The following THSD7B variants were observed in gnomAD, a reference collection of about 807,000 sequenced individuals.
THSD7B encodes the protein thrombospondin type-1 domain-containing protein 7B.
A neutral mutation model predicts 213.6 loss-of-function variants in THSD7B; 138 were observed. The observed-to-expected ratio is 0.65, with a 90% CI of 0.56 to 0.74. The LOEUF (loss-of-function observed/expected upper bound fraction) is 0.74. THSD7B is among the 30% of genes least tolerant of loss of function. The pLI, the probability that THSD7B is intolerant of heterozygous loss-of-function variation, is 0.00. For synonymous variants in THSD7B, 742 were observed against 687.0 expected, an observed-to-expected ratio of 1.08 and a Z score of -1.25; for missense variants, 1,931 against 1,991.5, an observed-to-expected ratio of 0.97 and a Z score of 0.58.
At chr2:137,669,358 T>C (rs1415401261) in intron 27 of THSD7B, among the ~76,000 whole-genome samples, 2 of 152,154 alleles carry the variant, frequency 1.3e-5, no homozygotes, top group African/African-American at 4.8e-5. Flanking sequence ...TCCCTAGAAA[T>C]TAGATTTCTA....
chr2:137,094,569 A>C (rs1688004776), intron 3 of THSD7B, among the ~76,000 whole-genome samples: 1 of 151,948 alleles, frequency 6.6e-6, no homozygotes, highest in South Asian at 2.1e-4. Flanking sequence ...AAAAAAAAAA[A>C]ACACAGCAGC....
intron 1 of THSD7B, among the ~76,000 whole-genome samples, chr2:136,825,720 T>TTTTTTTTTTTTTTTTTA (rs1682636832): frequency 1.4e-5 from 2 of 143,332 alleles, no homozygotes; most frequent in Non-Finnish European, 3.0e-5. Context: ...CCTGGCTAAT[T>TTTTTTTTTTTTTTTTTA]TTTTTTTTTT....
Position 137,656,857 on chromosome 2 carries a change from A to G in THSD7B, c.4167A>G (p.Gly1389=). The change falls in exon 23 of 28, where the codon GGA becomes GGG. Residue 1389 remains glycine (G), a synonymous_variant. Coordinates refer to ENST00000409968, the MANE Select transcript of THSD7B (RefSeq NM_001316349.2). The stretch of plus-strand genomic sequence containing the variant: ...CATGTGAATTAACCTGCATTGATGG[A>G]AGAAGCTTTGAGACTGTGGGCCGCC... ...WSTCELTCID[G]RSFETVGRQS... The G allele has an allele frequency of 1.2e-6, 2 of 1,614,018 alleles. No homozygotes were observed. The highest frequency in any genetic ancestry group is 1.1e-5 in the South Asian group (1 of 91,078).
intron 17 of THSD7B, among the ~76,000 whole-genome samples, chr2:137,584,970 CTTTT>C (rs906242751): frequency 6.6e-6 from 1 of 151,222 alleles, no homozygotes; most frequent in Non-Finnish European, 1.5e-5. Context: ...TGGTCCTGGA[CTTTT>C]TTTTTATTTG....
chr2:137,362,483 A>G (rs1261982335), intron 12 of THSD7B, among the ~76,000 whole-genome samples: 1 of 152,194 alleles, frequency 6.6e-6, no homozygotes, highest in Non-Finnish European at 1.5e-5. Flanking sequence ...TGTATTCAGG[A>G]GACCCATCTC....
At chr2:137,033,173 C>A (rs1409343390) in intron 2 of THSD7B, among the ~76,000 whole-genome samples, 1 of 152,204 alleles carries the variant, frequency 6.6e-6, no homozygotes. Context: ...TGTCTACATG[C>A]CAGCCAGGTG....
At chr2:136,906,936 G>GTTTTTTTTTTTTTTTTTT (rs57887270) in intron 2 of THSD7B, among the ~76,000 whole-genome samples, 19 of 55,128 alleles carry the variant, frequency 3.4e-4, no homozygotes, top group African/African-American at 1.3e-3. Context: ...ACATTTCAAG[G>GTTTTTTTTTTTTTTTTTT]TTTTTTTTTT....
chr2:137,543,522 G>A (rs968292605), intron 15 of THSD7B, among the ~76,000 whole-genome samples: 1 of 151,832 alleles, frequency 6.6e-6, no homozygotes, highest in African/African-American at 2.4e-5. Context: ...AAGCTGTAAA[G>A]CTGTTAGAAG....
intron 1 of THSD7B, among the ~76,000 whole-genome samples, chr2:136,781,739 C>G (rs1681747239): frequency 6.6e-6 from 1 of 152,140 alleles, no homozygotes; most frequent in African/African-American, 2.4e-5. Context: ...GTCTCTCCCT[C>G]TGTCCTCCAG....
At chr2:137,586,450 G>A (rs1681730334) in intron 17 of THSD7B, among the ~76,000 whole-genome samples, 1 of 152,096 alleles carries the variant, frequency 6.6e-6, no homozygotes, top group Non-Finnish European at 1.5e-5. Flanking sequence ...TTACAATTTG[G>A]CATGTTTGTG....
chr2:136,802,511 G>T (rs1037533430), intron 1 of THSD7B, among the ~76,000 whole-genome samples: 2 of 151,192 alleles, frequency 1.3e-5, no homozygotes, highest in Non-Finnish European at 3.0e-5. Context: ...CCTCCTGAGA[G>T]GATAACAAAA....
chr2:136,862,666 G>A (rs1185417719), intron 1 of THSD7B, among the ~76,000 whole-genome samples: 2 of 152,196 alleles, frequency 1.3e-5, no homozygotes, highest in African/African-American at 4.8e-5. Context: ...TCCAGATGAA[G>A]CGTCCTTTAT....
chr2:137,313,443 G>GGTCT (rs1683976870), intron 12 of THSD7B, among the ~76,000 whole-genome samples: 2 of 150,980 alleles, frequency 1.3e-5, no homozygotes, highest in African/African-American at 4.9e-5. Context: ...CACACTGATG[G>GGTCT]TCTTGACTCT....
intron 12 of THSD7B, among the ~76,000 whole-genome samples, chr2:137,404,888 A>T (rs1005436563): frequency 6.6e-6 from 1 of 152,018 alleles, no homozygotes; most frequent in Admixed American, 6.6e-5. Context: ...GATAAAAGAC[A>T]ACAAATATGG....
At chr2:137,064,951 T>C (rs909008496) in intron 3 of THSD7B, among the ~76,000 whole-genome samples, 1 of 147,824 alleles carries the variant, frequency 6.8e-6, no homozygotes, top group Non-Finnish European at 1.5e-5. Flanking sequence ...ATTCCTCCAG[T>C]TTTTTTTTTG....
chr2:137,649,030 CT>C (rs971469016), intron 21 of THSD7B, among the ~76,000 whole-genome samples: 75 of 152,078 alleles, frequency 4.9e-4, no homozygotes, highest in African/African-American at 1.6e-3. Flanking sequence ...TAATGTTGAA[CT>C]TTTTTTTCAT....
At chr2:136,772,995 A>G (rs1404026300) in intron 1 of THSD7B, among the ~76,000 whole-genome samples, 2 of 152,110 alleles carry the variant, frequency 1.3e-5, no homozygotes, top group Non-Finnish European at 2.9e-5. Flanking sequence ...ATCATATAGG[A>G]AGAAGCTCAG....
intron 2 of THSD7B, among the ~76,000 whole-genome samples, chr2:136,924,432 C>T (rs1172773273): frequency 6.6e-6 from 1 of 152,156 alleles, no homozygotes; most frequent in East Asian, 1.9e-4. Flanking sequence ...TTTTCCCAGA[C>T]CTATTTGTTG....
At chr2:137,215,274 G>A (rs1010857632) in intron 7 of THSD7B, among the ~76,000 whole-genome samples, 8 of 152,052 alleles carry the variant, frequency 5.3e-5, no homozygotes, top group African/African-American at 1.9e-4. Flanking sequence ...TTTTTGATGG[G>A]GTTGTTTGTT....
Sources: allele counts gnomAD v4.1 joint callset (sites outside exome capture counted in the v4.1 genomes callset), GRCh38; gene constraint gnomAD v4.1.1; transcripts MANE v1.5; gene names NCBI Gene and HGNC (gene_info 2026-07-23, HGNC 2026-07-21).